The following WDR49 variants were observed in gnomAD, a reference collection of about 807,000 sequenced individuals.
WDR49 encodes cilia- and flagella-associated protein 337.
Under a neutral mutation model 119.5 loss-of-function variants are expected in WDR49, and 107 were observed. The observed-to-expected ratio is 0.90, with a 90% confidence interval of 0.77 to 1.05. WDR49 has a LOEUF of 1.05. Among genes scored for constraint, WDR49 ranks in the 50% least tolerant of loss-of-function variants. The probability of loss-of-function intolerance (pLI) is 0.00; values close to 1 mark genes in which losing one functional copy is unlikely to be tolerated. For missense variants in WDR49, 1,240 were observed against 1,220.5 expected (o/e 1.02, Z -0.24); for synonymous variants, 425 against 418.8 (o/e 1.01, Z -0.18).
chr3:167,640,983 C>A (rs1346140013), intron 2 of WDR49, among the ~76,000 whole-genome samples: 1 of 151,892 alleles, frequency 6.6e-6, no homozygotes, highest in Admixed American at 6.6e-5. Context: ...TCGGTTGCAT[C>A]TACTCGACTT....
intron 2 of WDR49, among the ~76,000 whole-genome samples, chr3:167,650,920 A>G (rs1045691712): frequency 3.9e-5 from 6 of 152,180 alleles, no homozygotes; most frequent in Non-Finnish European, 8.8e-5. Flanking sequence ...AAGTATTTGC[A>G]CAGAGTCACA....
intron 7 of WDR49, among the ~76,000 whole-genome samples, chr3:167,587,423 T>A (rs1714875532): frequency 6.6e-6 from 1 of 152,202 alleles, no homozygotes; most frequent in African/African-American, 2.4e-5. Context: ...GAATAAGCAC[T>A]ACAAGGTGCC....
chr3:167,615,892 A>G (rs1450006262), intron 5 of WDR49, among the ~76,000 whole-genome samples: 1 of 152,200 alleles, frequency 6.6e-6, no homozygotes, highest in Non-Finnish European at 1.5e-5. Flanking sequence ...TAATTATCAC[A>G]GAGCTCATAG....
intron 2 of WDR49, among the ~76,000 whole-genome samples, chr3:167,630,795 A>G (rs918151784): frequency 2.0e-5 from 3 of 152,108 alleles, no homozygotes; most frequent in African/African-American, 7.2e-5. Context: ...TCACTGCATA[A>G]TTTTGTTTTA....
At chr3:167,612,301 T>C (rs759995897) in intron 5 of WDR49, among the ~76,000 whole-genome samples, 8 of 151,384 alleles carry the variant, frequency 5.3e-5, no homozygotes, top group Admixed American at 3.9e-4. Flanking sequence ...ATAGAAAAAC[T>C]ACACACATAT....
At chr3:167,600,053 G>T (rs557321097) in intron 7 of WDR49, among the ~76,000 whole-genome samples, 90 of 152,210 alleles carry the variant, frequency 5.9e-4, no homozygotes, top group Non-Finnish European at 2.9e-5. Context: ...GGCCTGGAAG[G>T]GGGGCACCTC....
At chr3:167,603,596 T>C (rs1715884280) in intron 6 of WDR49, among the ~76,000 whole-genome samples, 1 of 152,148 alleles carries the variant, frequency 6.6e-6, no homozygotes, top group East Asian at 1.9e-4. Context: ...ATGTGTATGC[T>C]CTGTAACTAC....
At chr3:167,504,488 G>T (rs1383428606) in intron 17 of WDR49, among the ~76,000 whole-genome samples, 1 of 152,154 alleles carries the variant, frequency 6.6e-6, no homozygotes, top group Non-Finnish European at 1.5e-5. Context: ...GAATGAAAAT[G>T]TTTATCCAAT....
chr3:167,642,508 A>T (rs145001954), intron 2 of WDR49, among the ~76,000 whole-genome samples: 29 of 152,160 alleles, frequency 1.9e-4, no homozygotes, highest in Non-Finnish European at 3.2e-4. Flanking sequence ...TGGTATTTGA[A>T]TTGAATTGGA....
At position 167,536,029 on chromosome 3, in the gene WDR49, AG is replaced by A. The variant is rs140736866; in HGVS notation, c.1954+840del. Among the ~76,000 whole-genome samples the A allele has an allele frequency of 3.2e-3, 480 of 152,210 alleles. 4 individuals carry two copies. The highest frequency in any genetic ancestry group is 0.031 in the East Asian group (158 of 5,160). On this transcript the variant is annotated intron_variant, in intron 11 of 18. Transcript: ENST00000682715. ...TATCACTTAGTTGTGGAATCTAAAAAGTTATTCTCATAAAAGCAGAGTAGAA... is the reference window on the plus strand; with the variant it reads ...TATCACTTAGTTGTGGAATCTAAAAATTATTCTCATAAAAGCAGAGTAGAA...
chr3:167,514,257 C>T (rs1752105358), intron 16 of WDR49, among the ~76,000 whole-genome samples: 1 of 152,132 alleles, frequency 6.6e-6, no homozygotes, highest in African/African-American at 2.4e-5. Context: ...ATAACAGTCT[C>T]TCAGACCACA....
chr3:167,489,044 G>C (rs887946424), intron 18 of WDR49, among the ~76,000 whole-genome samples: 1 of 151,972 alleles, frequency 6.6e-6, no homozygotes, highest in Non-Finnish European at 1.5e-5. Context: ...ATATTATCTT[G>C]TTGTATTTTC....
At chr3:167,567,216 T>C (rs372826262) in intron 8 of WDR49, among the ~76,000 whole-genome samples, 13 of 152,330 alleles carry the variant, frequency 8.5e-5, no homozygotes, top group African/African-American at 3.1e-4. Context: ...TCCATTATTG[T>C]CTAACGTCCC....
chr3:167,593,928 C>T (rs747543771), intron 7 of WDR49, among the ~76,000 whole-genome samples: 8 of 152,102 alleles, frequency 5.3e-5, no homozygotes, highest in African/African-American at 9.7e-5. Context: ...TCCCCTCTCT[C>T]GTTCTGCCTC....
chr3:167,492,881 T>C (rs567504487), intron 18 of WDR49, among the ~76,000 whole-genome samples: 238 of 151,614 alleles, frequency 1.6e-3, no homozygotes, highest in African/African-American at 5.4e-3. Flanking sequence ...AACTGTAATT[T>C]TGAAGGTCCC....
chr3:167,604,264 T>G, intron 6 of WDR49, 37 bp downstream of exon 6: 5 of 1,607,948 alleles, frequency 3.1e-6, no homozygotes, highest in Non-Finnish European at 4.2e-6. Flanking sequence ...AGACTATTTA[T>G]GAGGCCCTCA....
intron 5 of WDR49, among the ~76,000 whole-genome samples, chr3:167,609,368 C>T (rs895233012): frequency 6.6e-6 from 1 of 152,122 alleles, no homozygotes; most frequent in Non-Finnish European, 1.5e-5. Flanking sequence ...CTGCGTGGTG[C>T]TGAGAGCTTC....
intron 15 of WDR49, among the ~76,000 whole-genome samples, chr3:167,525,217 T>C (rs1752591783): frequency 6.6e-6 from 1 of 152,092 alleles, no homozygotes; most frequent in Non-Finnish European, 1.5e-5. Context: ...TGTCTATTAT[T>C]GGTGTACAGG....
intron 10 of WDR49, among the ~76,000 whole-genome samples, chr3:167,550,877 A>G (rs1577233962): frequency 6.6e-6 from 1 of 151,710 alleles, no homozygotes; most frequent in Admixed American, 6.6e-5. Context: ...ATTTTACTAG[A>G]ACTATACATA....
Sources: gnomAD v4.1 joint callset for allele counts (sites outside exome capture counted in the v4.1 genomes callset) on GRCh38, gnomAD v4.1.1 for gene constraint, MANE v1.5 for transcripts, NCBI Gene and HGNC (gene_info 2026-07-23, HGNC 2026-07-21) for gene names.